Variants in AP1S3 observed in about 807,000 individuals in gnomAD.
The protein encoded by AP1S3 is adaptor related protein complex 1 subunit sigma 3.
Under a neutral mutation model 20.9 loss-of-function variants are expected in AP1S3, and 10 were observed. The observed-to-expected ratio is 0.48, with a 90% CI of 0.29 to 0.81. The LOEUF is 0.81. Among genes scored for constraint, AP1S3 ranks in the 30% least tolerant of loss-of-function variants. The probability of loss-of-function intolerance (pLI) is 0.08; values close to 1 mark genes in which losing one functional copy is unlikely to be tolerated. For missense variants in AP1S3, 154 were observed against 183.8 expected, an observed-to-expected ratio of 0.84 and a Z score of 0.94; for synonymous variants, 41 against 61.5, an observed-to-expected ratio of 0.67 and a Z score of 1.56.
chr2:223,760,622 T>C (rs1690331634), intron 4 of AP1S3, among the ~76,000 whole-genome samples: 1 of 152,054 alleles, frequency 6.6e-6, no homozygotes, highest in Non-Finnish European at 1.5e-5. Context: ...TACAGGCCAT[T>C]GGGCCATGCT....
rs1692437763 is a variant in AP1S3, at chr2:223,837,547, A to C, written c.-97T>G. 3 of 779,626 alleles carry C rather than the reference A, an allele frequency of 3.8e-6. No homozygotes were observed. Among genetic ancestry groups the C allele is most frequent in the Non-Finnish European group, 5.3e-6 (3 of 570,852 alleles). The allele number at this position is 779,626 out of a possible 1,614,324, so 48.3% of individuals were successfully genotyped here. On this transcript the variant is annotated 5_prime_UTR_variant, in exon 1 of 5. Coordinates refer to ENST00000396654, the MANE Select transcript of AP1S3 (RefSeq NM_001039569.2). ...CTGGAGCCGGTGCGGCTGACAGGTG[A>C]GGCGCCCGGCTTAGACCATGGCTGC...
chr2:223,802,133 G>A (rs1451255842), intron 1 of AP1S3, among the ~76,000 whole-genome samples: 1 of 152,092 alleles, frequency 6.6e-6, no homozygotes, highest in Non-Finnish European at 1.5e-5. Flanking sequence ...ATTGAGAGGA[G>A]GAGCCATTAC....
chr2:223,824,790 C>A (rs1692082799), intron 1 of AP1S3, among the ~76,000 whole-genome samples: 1 of 152,192 alleles, frequency 6.6e-6, no homozygotes, highest in African/African-American at 2.4e-5. Flanking sequence ...CCGTCACGGC[C>A]TCCCAAAGTG....
intron 2 of AP1S3, among the ~76,000 whole-genome samples, chr2:223,777,056 G>A (rs1690799829): frequency 6.6e-6 from 1 of 152,214 alleles, no homozygotes; most frequent in African/African-American, 2.4e-5. Flanking sequence ...CATGACAGCA[G>A]GAATGTCATC....
chr2:223,756,905 A>C lies in AP1S3; in HGVS notation c.*1810T>G. The C allele has an allele frequency of 6.1e-6, 6 of 985,372 alleles. No homozygotes were observed. The South Asian group carries it at 2.8e-4, about 46-fold the overall frequency. The allele number at this position is 985,372 out of a possible 1,614,324, so 61.0% of individuals were successfully genotyped here. A position where few individuals can be genotyped will look rare whatever the true frequency, so the allele number is the denominator to read the frequency against. Reference sequence around the variant, plus strand: ...ACCACTCTAATATGAATGATACCAGACCTCAAAGCTAACATTGAAAATGCA... The same window carrying C: ...ACCACTCTAATATGAATGATACCAGCCCTCAAAGCTAACATTGAAAATGCA... On this transcript the variant is annotated 3_prime_UTR_variant, in exon 5 of 5. Transcript: ENST00000396654.
At chr2:223,829,574 G>A (rs1692210986) in intron 1 of AP1S3, among the ~76,000 whole-genome samples, 2 of 152,160 alleles carry the variant, frequency 1.3e-5, no homozygotes, top group African/African-American at 2.4e-5. Context: ...AGGAGGCTGA[G>A]GCAGGAGAAT....
At chr2:223,775,828 A>G in intron 3 of AP1S3, 73 bp downstream of exon 3, 1 of 1,119,804 alleles carries the variant, frequency 8.9e-7, no homozygotes, top group South Asian at 1.3e-5. Context: ...AAGGGATGTG[A>G]CCAGAGACAG....
intron 1 of AP1S3, among the ~76,000 whole-genome samples, chr2:223,832,131 C>CTGTGTGTG (rs1339727568): frequency 1.2e-4 from 14 of 114,738 alleles, no homozygotes; most frequent in African/African-American, 4.5e-4. Flanking sequence ...AAGGAGTTTT[C>CTGTGTGTG]TCTCTGTGTG....
chr2:223,774,426 A>C (rs13413370), intron 3 of AP1S3, among the ~76,000 whole-genome samples: 59,051 of 151,726 alleles, frequency 0.39, 12,789 homozygotes, highest in South Asian at 0.59. Flanking sequence ...GTAGTGTATC[A>C]AGGATGGAGG....
intron 1 of AP1S3, among the ~76,000 whole-genome samples, chr2:223,797,813 C>G (rs952147780): frequency 1.3e-5 from 2 of 152,158 alleles, no homozygotes; most frequent in African/African-American, 4.8e-5. Flanking sequence ...TCAAGCTAAA[C>G]AAAGCACACT....
At chr2:223,805,491 T>C (rs1691559701) in intron 1 of AP1S3, among the ~76,000 whole-genome samples, 2 of 152,196 alleles carry the variant, frequency 1.3e-5, no homozygotes, top group South Asian at 4.1e-4. Context: ...CTGAAGATTA[T>C]GTTTCCTGCC....
chr2:223,782,778 T>G (rs1430352320), intron 1 of AP1S3, among the ~76,000 whole-genome samples: 1 of 152,148 alleles, frequency 6.6e-6, no homozygotes, highest in Non-Finnish European at 1.5e-5. Context: ...CATGAGGCAG[T>G]GTTGGAAGAT....
intron 1 of AP1S3, among the ~76,000 whole-genome samples, chr2:223,829,937 G>C (rs10186756): frequency 0.11 from 16,655 of 152,098 alleles, 984 homozygotes; most frequent in African/African-American, 0.12. Context: ...AATACTGAAA[G>C]ACTGTAGGGT....
At chr2:223,767,905 G>A (rs1297936800) in intron 3 of AP1S3, among the ~76,000 whole-genome samples, 1 of 152,038 alleles carries the variant, frequency 6.6e-6, no homozygotes, top group Admixed American at 6.6e-5. Flanking sequence ...AGTTTCTACT[G>A]ATTCTATTGT....
Position 223,769,889 on chromosome 2 carries a change from C to T in AP1S3, c.292-4539G>A, listed in dbSNP as rs967144243. 2.4e-3 allele frequency among the ~76,000 whole-genome samples: 369 copies of T among 151,498 alleles called. 1 individual carries two copies. Among genetic ancestry groups the T allele is most frequent in the African/African-American group, 8.5e-3 (353 of 41,400 alleles). On this transcript the variant is annotated intron_variant, in intron 3 of 4. Coordinates refer to ENST00000396654, the MANE Select transcript of AP1S3 (RefSeq NM_001039569.2). Reference sequence around the variant, plus strand: ...CCTCCCGAGTAGCTGGGACTACAGGCGCCCGCTACCTCGCCCGGCTAATTT... The same window carrying T: ...CCTCCCGAGTAGCTGGGACTACAGGTGCCCGCTACCTCGCCCGGCTAATTT...
At position 223,765,331 on chromosome 2, in the gene AP1S3, A is replaced by C. The variant is rs776079279; in HGVS notation, c.311T>G (p.Ile104Ser). Residue 104 changes from isoleucine (I) to serine (S), a missense_variant, in exon 4 of 5, where the codon ATC (isoleucine) becomes AGC (serine). Transcript: ENST00000396654. ...GAAATAAGCCTTTTCAAAATTAAAGATAATATCCAGCTCACAGACCTGGTG... is the reference window on the plus strand; with the variant it reads ...GAAATAAGCCTTTTCAAAATTAAAGCTAATATCCAGCTCACAGACCTGGTG... The part of the protein sequence containing the change: ...YFGNVCELDI[I>S]FNFEKAYFIL... 1 of 1,613,328 alleles carries C rather than the reference A, an allele frequency of 6.2e-7. No individual in the cohort carries two copies. The highest frequency in any genetic ancestry group is 1.3e-5 in the African/African-American group (1 of 74,980).
At chr2:223,820,192 A>G (rs1691954098) in intron 1 of AP1S3, among the ~76,000 whole-genome samples, 1 of 152,132 alleles carries the variant, frequency 6.6e-6, no homozygotes, top group East Asian at 1.9e-4. Context: ...ACTGAAAGAC[A>G]TTTATCTTGC....
chr2:223,765,108 C>T lies in AP1S3; in HGVS notation c.429+105G>A, dbSNP rs1234426653. 4.1e-6 allele frequency: 6 copies of T among 1,468,836 alleles called. No individual in the cohort carries two copies. The African/African-American group carries it at 5.8e-5, about 14-fold the overall frequency. The allele number at this position is 1,468,836 out of a possible 1,614,324, so 91.0% of individuals were successfully genotyped here. A position where few individuals can be genotyped will look rare whatever the true frequency, so the allele number is the denominator to read the frequency against. ...ATATAAATAGTTTAGAAACTGTACC[C>T]AGCACAGAGTAAGTACTCAGTAAGT... On this transcript the variant is annotated intron_variant, in intron 4 of 4. Transcript: ENST00000396654.
chr2:223,827,197 C>T (rs765696806), intron 1 of AP1S3, among the ~76,000 whole-genome samples: 14 of 152,206 alleles, frequency 9.2e-5, no homozygotes, highest in Non-Finnish European at 2.1e-4. Flanking sequence ...CTTTGAAAGG[C>T]GGGACTCTCT....
Sources: gnomAD v4.1 joint callset for allele counts (sites outside exome capture counted in the v4.1 genomes callset) on GRCh38, gnomAD v4.1.1 for gene constraint, MANE v1.5 for transcripts, NCBI Gene and HGNC (gene_info 2026-07-23, HGNC 2026-07-21) for gene names.